The following MGST1 variants were observed in gnomAD, a reference collection of about 807,000 sequenced individuals.
The protein encoded by MGST1 is glutathione S-transferase 12.
In MGST1, 5 loss-of-function variants were observed where a neutral mutation model predicts 8.9. The ratio of observed to expected loss-of-function variants is 0.56; its 90% CI spans 0.29 to 1.19. MGST1 has a LOEUF of 1.19. MGST1 is among the 50% of genes most tolerant of loss of function. The probability of loss-of-function intolerance (pLI) is 0.08; values close to 1 mark genes in which losing one functional copy is unlikely to be tolerated. For missense variants in MGST1, 182 were observed against 187.4 expected (o/e 0.97, Z 0.17); for synonymous variants, 54 against 67.8 (o/e 0.80, Z 1.00).
downstream of MGST1, among the ~76,000 whole-genome samples, chr12:16,380,486 G>A (rs1480704163): frequency 1.3e-5 from 2 of 152,154 alleles, no homozygotes; most frequent in Non-Finnish European, 2.9e-5. Flanking sequence ...GTTCTAGTTT[G>A]ATTGCACTGG....
chr12:16,539,344 G>A (rs1941779025), intron 4 of MGST1, among the ~76,000 whole-genome samples: 1 of 151,622 alleles, frequency 6.6e-6, no homozygotes, highest in African/African-American at 2.4e-5. Flanking sequence ...AGAGTAAGGG[G>A]GTATTACATT....
At chr12:16,424,819 G>A (rs1017717935) in intron 1 of MGST1, among the ~76,000 whole-genome samples, 1 of 152,118 alleles carries the variant, frequency 6.6e-6, no homozygotes, top group African/African-American at 2.4e-5. Flanking sequence ...CTTGGGAAAC[G>A]GGATATATTT....
intron 4 of MGST1, among the ~76,000 whole-genome samples, chr12:16,472,429 T>G (rs893416708): frequency 6.6e-6 from 1 of 150,400 alleles, no homozygotes; most frequent in Non-Finnish European, 1.5e-5. Context: ...AGGGCCTTCC[T>G]TCTGTTTTTT....
downstream of MGST1, among the ~76,000 whole-genome samples, chr12:16,381,160 G>A (rs998635726): frequency 6.6e-5 from 10 of 152,146 alleles, no homozygotes; most frequent in African/African-American, 2.4e-4. Flanking sequence ...ATATTGTTAT[G>A]TGTGAATTTT....
At chr12:16,349,581 G>GA (rs1432077142) in intron 1 of MGST1, among the ~76,000 whole-genome samples, 6 of 151,984 alleles carry the variant, frequency 3.9e-5, no homozygotes, top group Non-Finnish European at 7.4e-5. Flanking sequence ...ACTAAAGGTA[G>GA]AAAAAAATAT....
intron 1 of MGST1, among the ~76,000 whole-genome samples, chr12:16,415,486 C>T (rs1940780275): frequency 1.3e-5 from 2 of 152,194 alleles, no homozygotes; most frequent in Non-Finnish European, 1.5e-5. Context: ...CTACTTCCTC[C>T]TCTTCCAGCC....
Position 16,401,128 on chromosome 12 carries a change from A to C in MGST1, n.778+17524A>C. The stretch of plus-strand genomic sequence containing the variant: ...CTCCTTTTCCTCATCTTCGTTCCTT[A>C]GGAAAATACCCACATTCTTCACTTT... On this transcript the variant is annotated intron_variant and non_coding_transcript_variant, in intron 1 of 1. Transcript: ENST00000359720. This position sits in a 1 kb window ranked among gnomAD's most constrained non-coding sequence, Gnocchi z 4.3. 6.4e-7 allele frequency: 1 copy of C among 1,574,104 alleles called. No homozygotes were observed. The highest frequency in any genetic ancestry group is 8.7e-7 in the Non-Finnish European group (1 of 1,144,320).
chr12:16,574,096 A>G (rs966913400), intron 4 of MGST1, among the ~76,000 whole-genome samples: 6 of 151,930 alleles, frequency 3.9e-5, no homozygotes, highest in East Asian at 1.9e-4. Flanking sequence ...TGGAAAACCA[A>G]CCTTCCTCCA....
downstream of MGST1, among the ~76,000 whole-genome samples, chr12:16,441,713 A>T (rs913614835): frequency 6.6e-6 from 1 of 151,914 alleles, no homozygotes; most frequent in African/African-American, 2.4e-5. Flanking sequence ...TTGGTGTATC[A>T]TCACAGTTCA....
chr12:16,541,202 A>G (rs1941791469), intron 4 of MGST1, among the ~76,000 whole-genome samples: 1 of 152,212 alleles, frequency 6.6e-6, no homozygotes, highest in African/African-American at 2.4e-5. Context: ...TTTTTAGTAA[A>G]TACAATTGAG....
chr12:16,382,341 A>C (rs1940464551), upstream of MGST1, among the ~76,000 whole-genome samples: 1 of 152,028 alleles, frequency 6.6e-6, no homozygotes. Context: ...TCTGTTTGTT[A>C]GTTTTCCTTC....
intron 1 of MGST1, among the ~76,000 whole-genome samples, chr12:16,352,918 G>A (rs1192007988): frequency 2.6e-5 from 4 of 152,096 alleles, no homozygotes; most frequent in African/African-American, 7.2e-5. Flanking sequence ...TGATCATGAT[G>A]ACAATTGTGA....
chr12:16,448,699 A>T (rs1039350110), intron 4 of MGST1, among the ~76,000 whole-genome samples: 1 of 151,942 alleles, frequency 6.6e-6, no homozygotes, highest in Non-Finnish European at 1.5e-5. Context: ...TCTTATTTAC[A>T]TAATTATAGC....
Position 16,587,110 on chromosome 12 carries a change from G to A in MGST1, n.483-2418G>A, listed in dbSNP as rs1943345420. Among the ~76,000 whole-genome samples, 1 of 152,132 alleles carries A rather than the reference G, an allele frequency of 6.6e-6. No homozygotes were observed. Among genetic ancestry groups the A allele is most frequent in the Non-Finnish European group, 1.5e-5 (1 of 68,016 alleles). On this transcript the variant is annotated intron_variant and non_coding_transcript_variant, in intron 4 of 4. Transcript: ENST00000538857. The surrounding 1 kb of genome is among the most constrained non-coding windows in gnomAD (Gnocchi z 4.3). ...TTAACTACCAAACTATGCCCACAAG[G>A]GTACTTGGACAATGGCTTACATTTT...
Position 16,513,739 on chromosome 12 carries a change from G to C in MGST1, n.483-75789G>C. ...AGTAGCCTTGGGCGAGAATAGCGAA[G>C]TCTCGAAAAGTGGCCGGTTTGTCAC... On this transcript the variant is annotated intron_variant and non_coding_transcript_variant, in intron 4 of 4. Transcript: ENST00000538857. This position sits in a 1 kb window ranked among gnomAD's most constrained non-coding sequence, Gnocchi z 4.2. 1.7e-6 allele frequency: 1 copy of C among 572,324 alleles called. No homozygotes were observed. The allele number at this position is 572,324 out of a possible 1,614,324, so 35.5% of individuals were successfully genotyped here.
At chr12:16,505,635 A>C (rs1565466125) in intron 4 of MGST1, among the ~76,000 whole-genome samples, 1 of 152,090 alleles carries the variant, frequency 6.6e-6, no homozygotes, top group Non-Finnish European at 1.5e-5. Context: ...CTGTTATATT[A>C]ATTGGGCCCT....
chr12:16,500,531 T>A lies in MGST1; in HGVS notation n.483-88997T>A, dbSNP rs1415610093. ...TTCAAAACGGAAAAGATACTTATTT[T>A]GTGTGCCAGTCCTGTCCTTTGATGG... is the stretch of plus-strand genomic sequence containing the variant. On this transcript the variant is annotated intron_variant and non_coding_transcript_variant, in intron 4 of 4. Coordinates refer to the MGST1 transcript ENST00000538857. This position sits in a 1 kb window ranked among gnomAD's most constrained non-coding sequence, Gnocchi z 4.3. Among the ~76,000 whole-genome samples, 1 of 152,226 alleles carries A rather than the reference T, an allele frequency of 6.6e-6. No individual in the cohort carries two copies. Among genetic ancestry groups the A allele is most frequent in the Non-Finnish European group, 1.5e-5 (1 of 68,040 alleles).
intron 1 of MGST1, chr12:16,402,270 G>T: frequency 6.3e-7 from 1 of 1,588,832 alleles, no homozygotes. Flanking sequence ...TGTCTGTAAG[G>T]CAGTTGATTT....
In MGST1 at chr12:16,363,740, G is replaced by C; in HGVS notation, c.222-55G>C. The C allele has an allele frequency of 7.1e-7, 1 of 1,398,722 alleles. No individual in the cohort carries two copies. Among genetic ancestry groups the C allele is most frequent in the Non-Finnish European group, 9.6e-7 (1 of 1,044,024 alleles). 86.6% of individuals were successfully genotyped at this position (1,398,722 alleles called of 1,614,324 possible). A position where few individuals can be genotyped will look rare whatever the true frequency, so the allele number is the denominator to read the frequency against. On this transcript the variant is annotated intron_variant, in intron 3 of 3. Transcript: ENST00000396210. This position sits in a 1 kb window ranked among gnomAD's most constrained non-coding sequence, Gnocchi z 4.6. Reference sequence around the variant, plus strand: ...AGTTTTTAGAAGAGAGAGAAAAAAGGATACATATCTAGTATTTTGAAATTA... The same window carrying C: ...AGTTTTTAGAAGAGAGAGAAAAAAGCATACATATCTAGTATTTTGAAATTA...
Sources: gnomAD v4.1 joint callset for allele counts (sites outside exome capture counted in the v4.1 genomes callset) on GRCh38, gnomAD v4.1.1 for gene constraint, Gnocchi (gnomAD v3.1) non-coding constraint, MANE v1.5 for transcripts, NCBI Gene and HGNC (gene_info 2026-07-23, HGNC 2026-07-21) for gene names.